The following LRP1 variants were observed in gnomAD, a reference collection of about 807,000 sequenced individuals.
The protein encoded by LRP1 is prolow-density lipoprotein receptor-related protein 1.
In LRP1, 51 loss-of-function variants were observed where a neutral mutation model predicts 541.5. That is an observed-to-expected ratio of 0.09 (90% CI 0.08 to 0.12). LRP1 has a LOEUF of 0.12. LRP1 is among the 10% of genes least tolerant of loss of function. LRP1 has a pLI of 1.00. For synonymous variants in LRP1, 2,219 were observed against 2,470.8 expected (o/e 0.90, Z 3.02); for missense variants, 3,878 against 6,376.2 (o/e 0.61, Z 13.34).
At position 57,178,458 on chromosome 12, in the gene LRP1, C is replaced by CG. The variant is rs139915490; in HGVS notation, c.4468dup (p.Glu1490GlyfsTer6). 10 of 1,614,038 alleles carry CG rather than the reference C, an allele frequency of 6.2e-6. No homozygotes were observed. ...CGCACCCGTTTGCAGTGACGCTGTA[C>CG]GGGGGGGAGGTCTACTGGACTGACT... On this transcript the variant is annotated frameshift_variant, in exon 27 of 89. Transcript: ENST00000243077. LOFTEE classifies it high-confidence loss of function. This position sits in a 1 kb window ranked among gnomAD's most constrained non-coding sequence, Gnocchi z 5.8.
chr12:57,131,421 C>T (rs1244722499), intron 1 of LRP1, among the ~76,000 whole-genome samples: 1 of 152,074 alleles, frequency 6.6e-6, no homozygotes, highest in African/African-American at 2.4e-5. Flanking sequence ...GGGAGGGCAC[C>T]CCCAGACAAA....
chr12:57,173,088 C>G lies in LRP1; in HGVS notation c.3164-80C>G. On this transcript the variant is annotated intron_variant, in intron 20 of 88. Transcript: ENST00000243077. The surrounding 1 kb of genome is among the most constrained non-coding windows in gnomAD (Gnocchi z 4.7). ...GCTCATATCCCCAGGCTGGGCTTAC[C>G]GGGGTGGCAGGGCACAGGGATGAGG... 8.0e-7 allele frequency: 1 copy of G among 1,244,160 alleles called. No individual in the cohort carries two copies. Among genetic ancestry groups the G allele is most frequent in the Non-Finnish European group, 1.1e-6 (1 of 896,672 alleles). The allele number at this position is 1,244,160 out of a possible 1,614,324, so 77.1% of individuals were successfully genotyped here.
chr12:57,183,989 C>A lies in LRP1; in HGVS notation c.5929+80C>A. ...AAGTGAGAGGAGGAGTTGGCGGGAGCAGGAAGAGGAGCTGTAGGGGTGCCT... is the reference window on the plus strand; with the variant it reads ...AAGTGAGAGGAGGAGTTGGCGGGAGAAGGAAGAGGAGCTGTAGGGGTGCCT... On this transcript the variant is annotated intron_variant, in intron 36 of 88. Transcript: ENST00000243077. The surrounding 1 kb of genome is among the most constrained non-coding windows in gnomAD (Gnocchi z 6.1). 6.2e-7 allele frequency: 1 copy of A among 1,604,562 alleles called. No individual in the cohort carries two copies. Among genetic ancestry groups the A allele is most frequent in the Non-Finnish European group, 8.5e-7 (1 of 1,174,190 alleles).
At chr12:57,153,209 G>A (rs1453224910) in intron 6 of LRP1, among the ~76,000 whole-genome samples, 1 of 152,116 alleles carries the variant, frequency 6.6e-6, no homozygotes, top group African/African-American at 2.4e-5. Context: ...TAGTTGAAGG[G>A]GGTAGTGAGT....
intron 20 of LRP1, among the ~76,000 whole-genome samples, chr12:57,172,062 CT>C (rs57732385): frequency 0.38 from 48,168 of 126,664 alleles, 8,519 homozygotes; most frequent in African/African-American, 0.47. Flanking sequence ...TTTCTTTTTT[CT>C]TTTTTTTTTT....
chr12:57,136,125 G>A (rs575998813), intron 1 of LRP1, among the ~76,000 whole-genome samples: 6 of 152,346 alleles, frequency 3.9e-5, no homozygotes, highest in East Asian at 3.9e-4. Flanking sequence ...CTAGGCTGGC[G>A]GGCTGTGTTT....
At chr12:57,176,352 C>G (rs1192917660) in intron 24 of LRP1, among the ~76,000 whole-genome samples, 1 of 152,256 alleles carries the variant, frequency 6.6e-6, no homozygotes. Flanking sequence ...TGGAGCTCTG[C>G]TCCCCAGATC....
rs1140648 is a variant in LRP1, at chr12:57,199,318, G to A, written c.9783G>A (p.Thr3261=). Residue 3261 remains threonine (T), a synonymous_variant, in exon 61 of 89, where the codon ACG becomes ACA. Coordinates refer to ENST00000243077, the MANE Select transcript of LRP1 (RefSeq NM_002332.3). ...TKSINRAHKT[T]GTNKTLLIST... is the part of the protein sequence containing the mutation. Reference sequence around the variant, plus strand: ...CCATTAACCGAGCCCACAAGACCACGGGCACCAACAAAACGCTCCTCATCA... The same window carrying A: ...CCATTAACCGAGCCCACAAGACCACAGGCACCAACAAAACGCTCCTCATCA... The A allele has an allele frequency of 0.66, 1,059,845 of 1,613,320 alleles. 355,869 individuals are homozygous for A. Among genetic ancestry groups the A allele is most frequent in the South Asian group, 0.78 (71,403 of 91,076 alleles).
chr12:57,157,688 G>T (rs887416689), intron 10 of LRP1, among the ~76,000 whole-genome samples: 34 of 152,244 alleles, frequency 2.2e-4, no homozygotes. Flanking sequence ...TGAGGATGTG[G>T]TGTTTGAGCC....
chr12:57,157,153 T>C (rs778045779), intron 10 of LRP1, among the ~76,000 whole-genome samples: 13 of 152,354 alleles, frequency 8.5e-5, no homozygotes, highest in Non-Finnish European at 1.5e-4. Flanking sequence ...TCAGCAAGTG[T>C]CTAGTGAGCA....
chr12:57,149,832 G>A (rs894086150), intron 6 of LRP1: 20 of 692,426 alleles, frequency 2.9e-5, no homozygotes, highest in Non-Finnish European at 5.0e-5. Flanking sequence ...AGGCTCGCCA[G>A]GAGGTCTCCT....
At chr12:57,196,412 G>A in intron 55 of LRP1, 135 bp downstream of exon 55, 1 of 908,422 alleles carries the variant, frequency 1.1e-6, no homozygotes, top group Non-Finnish European at 1.6e-6. Flanking sequence ...TGCTTGGTTG[G>A]GGTCTGCCTC....
In LRP1 at chr12:57,179,833, T is replaced by A; in HGVS notation, c.5018T>A (p.Phe1673Tyr). 3 of 1,614,140 alleles carry A rather than the reference T, an allele frequency of 1.9e-6. No homozygotes were observed. The highest frequency in any genetic ancestry group is 2.5e-6 in the Non-Finnish European group (3 of 1,180,030). The part of the protein sequence containing the change: ...LAVDWVSRNL[F>Y]WTSYDTNKKQ... Reference sequence around the variant, plus strand: ...GTGGACTGGGTCTCCCGAAACCTGTTCTGGACAAGCTATGACACCAATAAG... The same window carrying A: ...GTGGACTGGGTCTCCCGAAACCTGTACTGGACAAGCTATGACACCAATAAG... The change falls in exon 30 of 89, where the codon TTC (phenylalanine) becomes TAC (tyrosine). Residue 1673 changes from phenylalanine (F) to tyrosine (Y), a missense_variant. Phe to Tyr is a conservative substitution (Grantham distance 22, BLOSUM62 3). This residue lies in a region of LRP1 where 394 missense variants were observed against 635.9 expected (regional missense o/e 0.62). Coordinates refer to ENST00000243077, the MANE Select transcript of LRP1 (RefSeq NM_002332.3). The surrounding 1 kb of genome is among the most constrained non-coding windows in gnomAD (Gnocchi z 6.8).
chr12:57,142,852 C>A (rs970726565), intron 3 of LRP1, among the ~76,000 whole-genome samples: 3 of 152,188 alleles, frequency 2.0e-5, no homozygotes, highest in African/African-American at 4.8e-5. Context: ...CCTGGCCCCC[C>A]ATCCCAACTC....
Position 57,205,394 on chromosome 12 carries a change from G to C in LRP1, c.11379G>C (p.Gly3793=), listed in dbSNP as rs748522679. The change falls in exon 74 of 89, where the codon GGG becomes GGC. Residue 3793 remains glycine (G), a synonymous_variant. Coordinates refer to ENST00000243077, the MANE Select transcript of LRP1 (RefSeq NM_002332.3). This position sits in a 1 kb window ranked among gnomAD's most constrained non-coding sequence, Gnocchi z 4.6. Reference sequence around the variant, plus strand: ...GCGCCACCAATGCCAGCATCTGTGGGGACGAGGCACGCTGCGTGCGCACCG... The same window carrying C: ...GCGCCACCAATGCCAGCATCTGTGGCGACGAGGCACGCTGCGTGCGCACCG... ...TSCATNASIC[G]DEARCVRTEK... 1.2e-6 allele frequency: 2 copies of C among 1,608,680 alleles called. No individual in the cohort carries two copies.
chr12:57,173,466 G>A lies in LRP1; in HGVS notation c.3346+116G>A, dbSNP rs1002750487. ...ACTGTGCTGTGTGGAGTGGTGCTGG[G>A]GACAGTGCAAGGCAAAAGGCAGTCC... is the stretch of plus-strand genomic sequence containing the variant. On this transcript the variant is annotated intron_variant, in intron 21 of 88. Transcript: ENST00000243077. This position sits in a 1 kb window ranked among gnomAD's most constrained non-coding sequence, Gnocchi z 4.7. The A allele has an allele frequency of 1.4e-5, 17 of 1,203,522 alleles. No individual in the cohort carries two copies. Among genetic ancestry groups the A allele is most frequent in the Non-Finnish European group, 1.7e-5 (15 of 861,996 alleles). The allele number at this position is 1,203,522 out of a possible 1,614,324, so 74.6% of individuals were successfully genotyped here.
At chr12:57,152,630 C>G (rs951649625) in intron 6 of LRP1, among the ~76,000 whole-genome samples, 1 of 152,220 alleles carries the variant, frequency 6.6e-6, no homozygotes, top group African/African-American at 2.4e-5. Flanking sequence ...TCTTCCCCCT[C>G]TCTCCAATCT....
intron 61 of LRP1, 53 bp downstream of exon 61, chr12:57,199,453 C>T (rs1449767052): frequency 3.9e-6 from 6 of 1,557,566 alleles, no homozygotes; most frequent in Non-Finnish European, 5.2e-6. Flanking sequence ...CACCGGGGTC[C>T]CTGGGAGTTC....
rs1565753998 is a variant in LRP1 at position 57,204,816 on chromosome 12, C to T, written c.11194+67C>T. On this transcript the variant is annotated intron_variant, in intron 72 of 88. Coordinates refer to ENST00000243077, the MANE Select transcript of LRP1 (RefSeq NM_002332.3). The surrounding 1 kb of genome is among the most constrained non-coding windows in gnomAD (Gnocchi z 5.3). ...TGCACAGTGGGGTGAGTCTGGTCCT[C>T]GTGGGAGCTGCACTGGGGTTAGGGT... The T allele has an allele frequency of 1.2e-5, 19 of 1,595,850 alleles. No homozygotes were observed. In the South Asian group the frequency reaches 1.8e-4, roughly 15 times the overall value.
Sources: gnomAD v4.1 joint callset for allele counts (sites outside exome capture counted in the v4.1 genomes callset) on GRCh38, gnomAD v4.1.1 for gene constraint, gnomAD v4.1.1 regional missense constraint, Gnocchi (gnomAD v3.1) non-coding constraint, MANE v1.5 for transcripts, NCBI Gene and HGNC (gene_info 2026-07-23, HGNC 2026-07-21) for gene names.